SNTG2: variants seen among roughly 807,000 people sequenced by gnomAD.
The protein encoded by SNTG2 is gamma-2-syntrophin.
SNTG2 carries 74 observed loss-of-function variants against 70.9 expected under a neutral mutation model. That is an observed-to-expected ratio of 1.04 (90% CI 0.86 to 1.27). The LOEUF (loss-of-function observed/expected upper bound fraction) is 1.27. Among genes scored for constraint, SNTG2 ranks in the 50% most tolerant of loss-of-function variants. The pLI, the probability that SNTG2 is intolerant of heterozygous loss-of-function variation, is 0.00. For synonymous variants in SNTG2, 278 were observed against 273.8 expected (o/e 1.02, Z -0.15); for missense variants, 717 against 690.7 (o/e 1.04, Z -0.43).
At chr2:1,049,782 GCT>G (rs1475767064) in intron 1 of SNTG2, among the ~76,000 whole-genome samples, 2 of 152,212 alleles carry the variant, frequency 1.3e-5, no homozygotes, top group East Asian at 3.8e-4. Flanking sequence ...AGTTCCTGTT[GCT>G]CTACATCTTC....
chr2:1,067,663 C>A (rs936530478), intron 1 of SNTG2, among the ~76,000 whole-genome samples: 3 of 152,156 alleles, frequency 2.0e-5, no homozygotes, highest in Non-Finnish European at 4.4e-5. Context: ...TTTCTTGGAG[C>A]AGCACACGTC....
intron 7 of SNTG2, among the ~76,000 whole-genome samples, chr2:1,167,172 C>T (rs1300612151): frequency 8.5e-5 from 13 of 152,158 alleles, no homozygotes; most frequent in African/African-American, 2.4e-4. Context: ...AAGCCACCCA[C>T]GGATGGCAGA....
chr2:1,196,140 A>C (rs1287864923), intron 8 of SNTG2, among the ~76,000 whole-genome samples: 35 of 152,174 alleles, frequency 2.3e-4, no homozygotes, highest in Non-Finnish European at 2.9e-5. Context: ...TACTTTTGAT[A>C]ATACCACAAA....
chr2:1,066,834 C>T (rs1663187534), intron 1 of SNTG2, among the ~76,000 whole-genome samples: 1 of 152,128 alleles, frequency 6.6e-6, no homozygotes, highest in South Asian at 2.1e-4. Context: ...TCTTCAGCAG[C>T]TTCTCGTGTG....
intron 1 of SNTG2, among the ~76,000 whole-genome samples, chr2:1,046,948 A>G (rs947502981): frequency 6.6e-6 from 1 of 152,148 alleles, no homozygotes; most frequent in Admixed American, 6.6e-5. Context: ...TTCCTTAAAT[A>G]TATTTTCAAA....
rs1483147490 is a variant in SNTG2 at position 955,582 on chromosome 2, T to A, written c.72+4514T>A. 2.6e-5 allele frequency among the ~76,000 whole-genome samples: 4 copies of A among 152,248 alleles called. No homozygotes were observed. The East Asian group carries it at 7.7e-4, about 29-fold the overall frequency. On this transcript the variant is annotated intron_variant, in intron 1 of 16. Coordinates refer to ENST00000308624, the MANE Select transcript of SNTG2 (RefSeq NM_018968.4). ...AAAATAGTTTAAATGACAAATCCTG[T>A]GCAAGAATTAAATTCCACTTCTGTA...
intron 6 of SNTG2, among the ~76,000 whole-genome samples, chr2:1,158,736 A>G (rs1670067218): frequency 6.6e-6 from 1 of 152,122 alleles, no homozygotes; most frequent in African/African-American, 2.4e-5. Flanking sequence ...TAGCCTGAAT[A>G]AAGGGGAATG....
At chr2:1,255,123 GTGGCGTGGAGTCTGGATTTCAGGAAGCCA>G (rs1287787440) in intron 12 of SNTG2, among the ~76,000 whole-genome samples, 68 of 152,280 alleles carry the variant, frequency 4.5e-4, no homozygotes, top group African/African-American at 1.6e-3. Context: ...TCAGGAAGTC[GTGGCGTGGAGTCTGGATTTCAGGAAGCCA>G]TGGCGTGGAG....
chr2:1,164,614 CTG>C (rs1327258181), intron 6 of SNTG2, among the ~76,000 whole-genome samples: 1 of 150,120 alleles, frequency 6.7e-6, no homozygotes, highest in Non-Finnish European at 1.5e-5. Flanking sequence ...CCTGCCCAAA[CTG>C]TGGGCAGTCT....
At chr2:1,090,175 TCTA>T (rs1664931825) in intron 2 of SNTG2, among the ~76,000 whole-genome samples, 1 of 152,246 alleles carries the variant, frequency 6.6e-6, no homozygotes, top group Admixed American at 6.5e-5. Context: ...TCCATGTAGA[TCTA>T]CTTAGTCCAT....
At chr2:1,364,630 C>A (rs549893742) in intron 16 of SNTG2, among the ~76,000 whole-genome samples, 1 of 150,724 alleles carries the variant, frequency 6.6e-6, no homozygotes, top group East Asian at 2.0e-4. Flanking sequence ...TGGTGGTGGG[C>A]GCCTGTAGTC....
intron 1 of SNTG2, among the ~76,000 whole-genome samples, chr2:1,052,826 C>T (rs1466379326): frequency 6.6e-6 from 1 of 152,206 alleles, no homozygotes; most frequent in African/African-American, 2.4e-5. Flanking sequence ...CGCTGATTTT[C>T]ACCTTTAGTT....
chr2:1,161,923 A>C (rs1670318445), intron 6 of SNTG2, among the ~76,000 whole-genome samples: 1 of 151,888 alleles, frequency 6.6e-6, no homozygotes, highest in Non-Finnish European at 1.5e-5. Flanking sequence ...AAATACAAAA[A>C]ATTAGCCAGG....
intron 1 of SNTG2, among the ~76,000 whole-genome samples, chr2:1,031,097 AT>A (rs1172456928): frequency 1.3e-5 from 2 of 152,212 alleles, no homozygotes; most frequent in Non-Finnish European, 2.9e-5. Context: ...AAATTAGTGA[AT>A]TTGCAGGCTC....
At chr2:1,257,701 C>T (rs62106565) in intron 12 of SNTG2, among the ~76,000 whole-genome samples, 13,868 of 152,188 alleles carry the variant, frequency 0.091, 698 homozygotes, top group South Asian at 0.15. Flanking sequence ...AATCACAGCA[C>T]GATGACAGCG....
At chr2:951,635 C>T (rs1238644218) in intron 1 of SNTG2, among the ~76,000 whole-genome samples, 1 of 152,218 alleles carries the variant, frequency 6.6e-6, no homozygotes, top group Non-Finnish European at 1.5e-5. Flanking sequence ...GGTTCCCACC[C>T]TAAATAACTC....
At chr2:1,229,349 C>G (rs1464310221) in intron 9 of SNTG2, among the ~76,000 whole-genome samples, 1 of 152,192 alleles carries the variant, frequency 6.6e-6, no homozygotes, top group African/African-American at 2.4e-5. Flanking sequence ...CAAGGCCCCA[C>G]TAGAGTAGCT....
At chr2:1,306,833 G>A (rs923583466) in intron 14 of SNTG2, among the ~76,000 whole-genome samples, 7 of 151,258 alleles carry the variant, frequency 4.6e-5, no homozygotes, top group East Asian at 1.9e-4. Flanking sequence ...GCTGTGAGCC[G>A]CGCTGTGTGC....
intron 1 of SNTG2, among the ~76,000 whole-genome samples, chr2:994,020 A>G (rs1198254595): frequency 1.3e-5 from 2 of 151,904 alleles, no homozygotes; most frequent in Non-Finnish European, 2.9e-5. Flanking sequence ...ATCTATTTTT[A>G]CTTTTGCTAT....
Sources: allele counts gnomAD v4.1 joint callset (sites outside exome capture counted in the v4.1 genomes callset), GRCh38; gene constraint gnomAD v4.1.1; transcripts MANE v1.5; gene names NCBI Gene and HGNC (gene_info 2026-07-23, HGNC 2026-07-21).